Variants in ATP10A observed in about 807,000 individuals in gnomAD.
ATP10A encodes phospholipid-transporting ATPase VA.
In ATP10A, 111 loss-of-function variants were observed where a neutral mutation model predicts 147.8. The observed-to-expected ratio is 0.75, with a 90% CI of 0.64 to 0.88. The LOEUF is 0.88. Among genes scored for constraint, ATP10A ranks in the 40% least tolerant of loss-of-function variants. ATP10A has a pLI of 0.00. For missense variants in ATP10A, 1,927 were observed against 1,959.0 expected (o/e 0.98, Z 0.31); for synonymous variants, 875 against 841.6 (o/e 1.04, Z -0.69).
intron 5 of ATP10A, among the ~76,000 whole-genome samples, chr15:25,724,767 C>T (rs892406047): frequency 6.6e-6 from 1 of 152,234 alleles, no homozygotes; most frequent in African/African-American, 2.4e-5. Context: ...GTGATGAAAG[C>T]ATTCTTCCAC....
At chr15:25,758,861 C>CCTTA (rs539751707) in intron 2 of ATP10A, among the ~76,000 whole-genome samples, 1 of 121,042 alleles carries the variant, frequency 8.3e-6, no homozygotes, top group African/African-American at 4.4e-5. Context: ...CCTGCTCCAC[C>CCTTA]CTCATTCCGA....
At chr15:25,823,170 G>T (rs1046385663) in intron 1 of ATP10A, among the ~76,000 whole-genome samples, 8 of 152,098 alleles carry the variant, frequency 5.3e-5, no homozygotes, top group African/African-American at 1.9e-4. Context: ...AATTAATGGA[G>T]GGTTTAATAT....
intron 2 of ATP10A, among the ~76,000 whole-genome samples, chr15:25,766,044 G>A (rs1351629280): frequency 2.0e-5 from 3 of 152,248 alleles, no homozygotes; most frequent in African/African-American, 7.2e-5. Flanking sequence ...CATAGCTGGG[G>A]AGGCTTCAGA....
rs970760599 is a variant in ATP10A, at chr15:25,762,035, G to A, written c.654+18984C>T. Among the ~76,000 whole-genome samples, 5 of 152,140 alleles carry A rather than the reference G, an allele frequency of 3.3e-5. No individual in the cohort carries two copies. In the East Asian group the frequency reaches 7.7e-4, roughly 23 times the overall value. On this transcript the variant is annotated intron_variant, in intron 2 of 20. Transcript: ENST00000555815. ...TCCCCACATGTTGTGGGAGGGATCCGGTGGGAGGTAAATGACTCAGGGGTC... is the reference window on the plus strand; with the variant it reads ...TCCCCACATGTTGTGGGAGGGATCCAGTGGGAGGTAAATGACTCAGGGGTC...
At chr15:25,740,573 C>T (rs764392588) in intron 2 of ATP10A, among the ~76,000 whole-genome samples, 36 of 152,352 alleles carry the variant, frequency 2.4e-4, no homozygotes, top group Admixed American at 5.2e-4. Flanking sequence ...GTTCTGAAAA[C>T]GCCCTTTGCA....
At chr15:25,814,104 A>C (rs1891547485) in intron 1 of ATP10A, among the ~76,000 whole-genome samples, 1 of 152,206 alleles carries the variant, frequency 6.6e-6, no homozygotes, top group African/African-American at 2.4e-5. Context: ...AAATTGCTTA[A>C]AATCAATGAT....
At chr15:25,862,158 T>G (rs914305795) in intron 1 of ATP10A, 2 of 423,960 alleles carry the variant, frequency 4.7e-6, no homozygotes, top group Non-Finnish European at 9.6e-6. Context: ...GCCAGACATA[T>G]CAGCACTTGG....
chr15:25,769,515 A>G (rs1889225909), intron 2 of ATP10A, among the ~76,000 whole-genome samples: 1 of 138,166 alleles, frequency 7.2e-6, no homozygotes, highest in Non-Finnish European at 1.6e-5. Flanking sequence ...AAAAAAAAAG[A>G]CATGCATATA....
intron 2 of ATP10A, among the ~76,000 whole-genome samples, chr15:25,765,862 G>C (rs969676378): frequency 2.6e-5 from 4 of 152,194 alleles, no homozygotes; most frequent in African/African-American, 9.7e-5. Context: ...AGTGCTGAGG[G>C]CGGCCACCCT....
intron 1 of ATP10A, among the ~76,000 whole-genome samples, chr15:25,856,340 A>G (rs1893518174): frequency 6.6e-6 from 1 of 152,160 alleles, no homozygotes; most frequent in Non-Finnish European, 1.5e-5. Context: ...GCTACCTTGT[A>G]AAGAGGTGCC....
At chr15:25,849,183 G>A (rs1331038180) in intron 1 of ATP10A, among the ~76,000 whole-genome samples, 1 of 152,086 alleles carries the variant, frequency 6.6e-6, no homozygotes, top group African/African-American at 2.4e-5. Flanking sequence ...TTGGTGGCTG[G>A]ACCTGGGGTG....
At chr15:25,805,080 G>A (rs573611629) in intron 1 of ATP10A, among the ~76,000 whole-genome samples, 3 of 152,202 alleles carry the variant, frequency 2.0e-5, no homozygotes, top group African/African-American at 4.8e-5. Flanking sequence ...GCCATCACAC[G>A]GGCATTCTTC....
chr15:25,711,052 C>A (rs906970614), intron 10 of ATP10A, among the ~76,000 whole-genome samples: 6 of 152,014 alleles, frequency 3.9e-5, no homozygotes, highest in African/African-American at 9.7e-5. Context: ...AGGGTCATCC[C>A]AGCCGTAAGT....
chr15:25,854,944 C>G (rs143591825), intron 1 of ATP10A, among the ~76,000 whole-genome samples: 1 of 151,854 alleles, frequency 6.6e-6, no homozygotes, highest in African/African-American at 2.4e-5. Flanking sequence ...CCTGTAATCC[C>G]AGCTATTCGG....
At position 25,747,178 on chromosome 15, in the gene ATP10A, C is replaced by T. The variant is rs373075879; in HGVS notation, c.655-11037G>A. 3.3e-3 allele frequency among the ~76,000 whole-genome samples: 507 copies of T among 151,508 alleles called. 5 individuals carry two copies. Among genetic ancestry groups the T allele is most frequent in the African/African-American group, 0.012 (494 of 41,270 alleles). ...TTGTGGGCTCCTGTAATCCCAGCTA[C>T]TCAAGGAGGCTGAGTCAAGAGAAAC... On this transcript the variant is annotated intron_variant, in intron 2 of 20. Coordinates refer to ENST00000555815, the MANE Select transcript of ATP10A (RefSeq NM_024490.4).
chr15:25,834,342 T>C (rs184669939), intron 1 of ATP10A, among the ~76,000 whole-genome samples: 237 of 152,326 alleles, frequency 1.6e-3, no homozygotes, highest in African/African-American at 5.2e-3. Flanking sequence ...GGTGAAAGAT[T>C]TGACTAGACA....
intron 2 of ATP10A, among the ~76,000 whole-genome samples, chr15:25,775,951 C>T (rs1170194368): frequency 3.3e-5 from 5 of 152,156 alleles, no homozygotes; most frequent in South Asian, 2.1e-4. Flanking sequence ...CAGTTAGCAC[C>T]GAAGACTTCA....
chr15:25,836,261 T>C (rs745371215), intron 1 of ATP10A, among the ~76,000 whole-genome samples: 1 of 152,196 alleles, frequency 6.6e-6, no homozygotes, highest in African/African-American at 2.4e-5. Context: ...TTCTACTTTT[T>C]CTTCCTCTTA....
chr15:25,683,514 C>T (rs1899544525), intron 16 of ATP10A, 28 bp from the exon 17 acceptor site: 1 of 1,588,548 alleles, frequency 6.3e-7, no homozygotes. Flanking sequence ...AGAACAGGAA[C>T]AGGCGAGTCT....
Sources: allele counts gnomAD v4.1 joint callset (sites outside exome capture counted in the v4.1 genomes callset), GRCh38; gene constraint gnomAD v4.1.1; transcripts MANE v1.5; gene names NCBI Gene and HGNC (gene_info 2026-07-23, HGNC 2026-07-21).